CACNA2D4: variants seen among roughly 807,000 people sequenced by gnomAD.
The protein encoded by CACNA2D4 is calcium voltage-gated channel auxiliary subunit alpha2delta 4.
A neutral mutation model predicts 163.8 loss-of-function variants in CACNA2D4; 157 were observed. The ratio of observed to expected loss-of-function variants is 0.96; its 90% CI spans 0.84 to 1.09. CACNA2D4 has a LOEUF of 1.09. Among genes scored for constraint, CACNA2D4 ranks in the 50% least tolerant of loss-of-function variants. The probability of loss-of-function intolerance (pLI) is 0.00; values close to 1 mark genes in which losing one functional copy is unlikely to be tolerated. For synonymous variants in CACNA2D4, 598 were observed against 586.9 expected (o/e 1.02, Z -0.27); for missense variants, 1,410 against 1,479.9 (o/e 0.95, Z 0.78).
At chr12:1,800,627 T>G in intron 31 of CACNA2D4, 189 bp from the exon 32 acceptor site, 2 of 619,230 alleles carry the variant, frequency 3.2e-6, no homozygotes, top group Non-Finnish European at 5.7e-6. Context: ...CCTGCAGAGC[T>G]GAGCTAGCTG....
chr12:1,805,153 T>G (rs1863489918), intron 29 of CACNA2D4, among the ~76,000 whole-genome samples: 1 of 152,024 alleles, frequency 6.6e-6, no homozygotes, highest in South Asian at 2.1e-4. Flanking sequence ...CTGCCTGAAC[T>G]CTGGGGCTGG....
intron 23 of CACNA2D4, among the ~76,000 whole-genome samples, chr12:1,852,311 A>G (rs890683856): frequency 7.2e-5 from 11 of 152,174 alleles, no homozygotes; most frequent in African/African-American, 2.7e-4. Context: ...GAGAGCCTCT[A>G]GCCCCATTAA....
intron 23 of CACNA2D4, among the ~76,000 whole-genome samples, chr12:1,853,330 T>C (rs1236827737): frequency 1.3e-5 from 2 of 152,182 alleles, no homozygotes; most frequent in Non-Finnish European, 2.9e-5. Flanking sequence ...TCTGTAGGTG[T>C]TTTTTATTAG....
At position 1,843,333 on chromosome 12, in the gene CACNA2D4, G is replaced by A. The variant is rs146626719; in HGVS notation, c.2470+1069C>T. On this transcript the variant is annotated intron_variant, in intron 25 of 37. Transcript: ENST00000382722. The surrounding 1 kb of genome is among the most constrained non-coding windows in gnomAD (Gnocchi z 4.6). ...CTCCAGGACATTTTTCCATCACGACGCTTGAGGATGGTTTGGCAAAGTGGT... is the reference window on the plus strand; with the variant it reads ...CTCCAGGACATTTTTCCATCACGACACTTGAGGATGGTTTGGCAAAGTGGT... Among the ~76,000 whole-genome samples the A allele has an allele frequency of 1.6e-4, 25 of 152,278 alleles. 1 individual carries two copies. The highest frequency in any genetic ancestry group is 2.6e-4 in the Admixed American group (4 of 15,308).
chr12:1,847,599 G>C (rs962814722), intron 23 of CACNA2D4, among the ~76,000 whole-genome samples: 1 of 152,196 alleles, frequency 6.6e-6, no homozygotes, highest in South Asian at 2.1e-4. Flanking sequence ...GAGCTGCACA[G>C]AGCCCTGCCC....
rs758160 is a variant in CACNA2D4 at position 1,874,616 on chromosome 12, C to T, written c.1866G>A (p.Pro622=). Residue 622 remains proline (P), a synonymous_variant, in exon 18 of 38, where the codon CCG becomes CCA. Transcript: ENST00000382722. The surrounding 1 kb of genome is among the most constrained non-coding windows in gnomAD (Gnocchi z 4.4). The part of the protein sequence containing the change: ...TGTLSMDVKV[P]MDKGKRVLFL... ...TCTAGCTCCTTACCCCTTTATCCAT[C>T]GGAACCTTCACATCCATCGAGAGAG... 161,144 of 1,610,304 alleles carry T rather than the reference C, an allele frequency of 0.1. 8,722 individuals carry two copies. Among genetic ancestry groups the T allele is most frequent in the African/African-American group, 0.14 (10,634 of 74,900 alleles).
Position 1,883,390 on chromosome 12 carries a change from GAACCC to G in CACNA2D4, c.1352-395_1352-391del, listed in dbSNP as rs1017809428. 4.6e-5 allele frequency among the ~76,000 whole-genome samples: 7 copies of G among 152,266 alleles called. No individual in the cohort carries two copies. The highest frequency in any genetic ancestry group is 1.7e-4 in the African/African-American group (7 of 41,566). ...TCTGCCACTCTTAGGTCTCTTCAGG[GAACCC>G]AATCAGAGGCAGAGATTTCTGCCTC... On this transcript the variant is annotated intron_variant, in intron 12 of 37. Coordinates refer to ENST00000382722, the MANE Select transcript of CACNA2D4 (RefSeq NM_172364.5). The surrounding 1 kb of genome is among the most constrained non-coding windows in gnomAD (Gnocchi z 4.5).
intron 6 of CACNA2D4, among the ~76,000 whole-genome samples, chr12:1,904,250 G>C (rs942278080): frequency 3.3e-5 from 5 of 151,964 alleles, no homozygotes; most frequent in Admixed American, 2.6e-4. Context: ...GGGGAGAAGT[G>C]GGATGGTTAA....
chr12:1,886,613 C>T (rs531255970), intron 7 of CACNA2D4, among the ~76,000 whole-genome samples: 14 of 152,222 alleles, frequency 9.2e-5, no homozygotes, highest in South Asian at 4.1e-4. Context: ...CTGGAGGTAA[C>T]GCTTGTTCCT....
chr12:1,893,139 G>A (rs1042587247), intron 6 of CACNA2D4, among the ~76,000 whole-genome samples: 1 of 152,174 alleles, frequency 6.6e-6, no homozygotes, highest in Non-Finnish European at 1.5e-5. Context: ...TTGACTAAAT[G>A]GACCTAGGCA....
chr12:1,871,102 G>A (rs1458127601), intron 18 of CACNA2D4, among the ~76,000 whole-genome samples: 3 of 151,954 alleles, frequency 2.0e-5, no homozygotes, highest in Admixed American at 2.0e-4. Flanking sequence ...GTGTACGTGT[G>A]TGCTGCTGTT....
chr12:1,909,291 A>T (rs1866754710), intron 4 of CACNA2D4, among the ~76,000 whole-genome samples: 1 of 152,310 alleles, frequency 6.6e-6, no homozygotes, highest in Non-Finnish European at 1.5e-5. Flanking sequence ...TCCCGGGTTC[A>T]CGCCATTCTC....
At chr12:1,811,458 C>T (rs1863706872) in intron 27 of CACNA2D4, among the ~76,000 whole-genome samples, 1 of 152,196 alleles carries the variant, frequency 6.6e-6, no homozygotes, top group East Asian at 1.9e-4. Context: ...GTCGTGCCCT[C>T]AGCACTGGGC....
chr12:1,813,127 A>C (rs1435040619), intron 26 of CACNA2D4, among the ~76,000 whole-genome samples: 1 of 152,114 alleles, frequency 6.6e-6, no homozygotes, highest in Non-Finnish European at 1.5e-5. Flanking sequence ...TCACGGTTCT[A>C]CTTCCCCTGG....
At chr12:1,838,548 C>T (rs1297001269) in intron 26 of CACNA2D4, among the ~76,000 whole-genome samples, 2 of 152,232 alleles carry the variant, frequency 1.3e-5, no homozygotes, top group African/African-American at 4.8e-5. Context: ...AGTATCAGGT[C>T]TCCAGCACCC....
intron 18 of CACNA2D4, among the ~76,000 whole-genome samples, chr12:1,864,448 GC>G (rs1471565853): frequency 2.6e-5 from 4 of 152,242 alleles, no homozygotes; most frequent in Non-Finnish European, 5.9e-5. Flanking sequence ...TATGGCAAAT[GC>G]TGCAAGATGA....
chr12:1,832,341 G>T (rs1362015034), intron 26 of CACNA2D4, among the ~76,000 whole-genome samples: 1 of 152,202 alleles, frequency 6.6e-6, no homozygotes. Flanking sequence ...GTCATTATGA[G>T]AATTAAATGT....
chr12:1,828,431 G>C lies in CACNA2D4; in HGVS notation c.2551+12308C>G, dbSNP rs1294253406. On this transcript the variant is annotated intron_variant, in intron 26 of 37. Coordinates refer to ENST00000382722, the MANE Select transcript of CACNA2D4 (RefSeq NM_172364.5). The surrounding 1 kb of genome is among the most constrained non-coding windows in gnomAD (Gnocchi z 4.2). Reference sequence around the variant, plus strand: ...CAGAGTCACCGCTGAGTGCTGAGTGGTTAGACCTGGAGCTGGAGGCCACGA... The same window carrying C: ...CAGAGTCACCGCTGAGTGCTGAGTGCTTAGACCTGGAGCTGGAGGCCACGA... Among the ~76,000 whole-genome samples the C allele has an allele frequency of 6.6e-6, 1 of 152,228 alleles. No homozygotes were observed. The highest frequency in any genetic ancestry group is 1.5e-5 in the Non-Finnish European group (1 of 68,030).
Position 1,869,863 on chromosome 12 carries a change from CATTCTA to C in CACNA2D4, c.1878+4735_1878+4740del, listed in dbSNP as rs1216957900. On this transcript the variant is annotated intron_variant, in intron 18 of 37. Coordinates refer to ENST00000382722, the MANE Select transcript of CACNA2D4 (RefSeq NM_172364.5). This position sits in a 1 kb window ranked among gnomAD's most constrained non-coding sequence, Gnocchi z 4.7. ...ACAGTTACAATGTCTGCACTAAAGT[CATTCTA>C]ATTCTAACAGCTGGGTCATAACACT... Among the ~76,000 whole-genome samples, 4 of 152,216 alleles carry C rather than the reference CATTCTA, an allele frequency of 2.6e-5. No individual in the cohort carries two copies. Among genetic ancestry groups the C allele is most frequent in the African/African-American group, 4.8e-5 (2 of 41,452 alleles).
Sources: allele counts gnomAD v4.1 joint callset (sites outside exome capture counted in the v4.1 genomes callset), GRCh38; gene constraint gnomAD v4.1.1; non-coding constraint Gnocchi (gnomAD v3.1); transcripts MANE v1.5; gene names NCBI Gene and HGNC (gene_info 2026-07-23, HGNC 2026-07-21).